The following PON3 variants were observed in gnomAD, a reference collection of about 807,000 sequenced individuals.
The protein encoded by PON3 is serum paraoxonase/lactonase 3.
PON3 carries 37 observed loss-of-function variants against 36.3 expected under a neutral mutation model. That is an observed-to-expected ratio of 1.02 (90% confidence interval 0.78 to 1.34). The LOEUF is 1.34. PON3 is among the 40% of genes most tolerant of loss of function. The probability of loss-of-function intolerance (pLI) is 0.00; values close to 1 mark genes in which losing one functional copy is unlikely to be tolerated. For missense variants in PON3, 415 were observed against 426.5 expected, an observed-to-expected ratio of 0.97 and a Z score of 0.24; for synonymous variants, 155 against 154.8, an observed-to-expected ratio of 1.00 and a Z score of -0.01.
Position 95,360,028 on chromosome 7 carries a change from T to C in PON3, c.1010A>G (p.His337Arg), listed in dbSNP as rs201243610. Reference protein sequence around the residue: ...LQGTSVASVYHGKILIGTVFH... With the variant: ...LQGTSVASVYRGKILIGTVFH... ...TACGGTGCCTATGAGAATTTTCCCA[T>C]GGTACACAGAAGCCACAGAGGTGCC... Residue 337 changes from histidine (H) to arginine (R), a missense_variant, in exon 9 of 9, where the codon CAT becomes CGT. Coordinates refer to ENST00000265627, the MANE Select transcript of PON3 (RefSeq NM_000940.3). The C allele has an allele frequency of 7.4e-6, 12 of 1,613,642 alleles. No homozygotes were observed. The Admixed American group carries it at 8.3e-5, about 11-fold the overall frequency.
At chr7:95,390,902 C>T (rs2116423619) in intron 2 of PON3, among the ~76,000 whole-genome samples, 1 of 152,262 alleles carries the variant, frequency 6.6e-6, no homozygotes, top group South Asian at 2.1e-4. Context: ...TGCATCTCAG[C>T]AACAATGGCA....
chr7:95,374,475 T>C (rs906404587), intron 3 of PON3, among the ~76,000 whole-genome samples: 1 of 152,116 alleles, frequency 6.6e-6, no homozygotes, highest in African/African-American at 2.4e-5. Context: ...CAGCTTCTTC[T>C]TTGGCCTAAA....
rs1269592215 is a variant in PON3, at chr7:95,377,870, C to A, written c.202-5532G>T. On this transcript the variant is annotated intron_variant, in intron 3 of 8. Transcript: ENST00000265627. ...CCTCTTATCCAAAGAATCACAGCTC[C>A]TTGCCAGCAAAGAAACAAAACTGGA... Among the ~76,000 whole-genome samples the A allele has an allele frequency of 3.3e-5, 5 of 152,262 alleles. No individual in the cohort carries two copies. The East Asian group carries it at 9.7e-4, about 29-fold the overall frequency.
intron 3 of PON3, among the ~76,000 whole-genome samples, chr7:95,378,384 A>C (rs1808968175): frequency 6.6e-6 from 1 of 152,196 alleles, no homozygotes; most frequent in Non-Finnish European, 1.5e-5. Context: ...CCAACATTCA[A>C]ATTCAGGAAA....
chr7:95,382,353 A>G (rs1009406801), intron 3 of PON3, among the ~76,000 whole-genome samples: 1 of 152,226 alleles, frequency 6.6e-6, no homozygotes. Context: ...AACTAAGATC[A>G]GAGCAGAACT....
intron 3 of PON3, among the ~76,000 whole-genome samples, chr7:95,380,052 C>T (rs993599303): frequency 2.9e-4 from 44 of 152,180 alleles, no homozygotes; most frequent in African/African-American, 6.5e-4. Flanking sequence ...CAGCAATATT[C>T]GCTGTTCTGC....
rs181072742 is a variant in PON3 at position 95,391,474 on chromosome 7, C to T, written c.146-1265G>A. ...CAAAAGCCTTGGATAAAAAGATGAA[C>T]GTAATACAAAAAGATCTATGAGATA... On this transcript the variant is annotated intron_variant, in intron 2 of 8. Coordinates refer to ENST00000265627, the MANE Select transcript of PON3 (RefSeq NM_000940.3). Among the ~76,000 whole-genome samples, 14 of 152,072 alleles carry T rather than the reference C, an allele frequency of 9.2e-5. No individual in the cohort carries two copies. The South Asian group carries it at 1.0e-3, about 11-fold the overall frequency.
Position 95,387,733 on chromosome 7 carries a change from T to C in PON3, c.201+2421A>G, listed in dbSNP as rs567147035. ...ATCATTGCTACCTGACTTCAAACTA[T>C]ACTACAAGGCTACAGTAACCAAAAC... On this transcript the variant is annotated intron_variant, in intron 3 of 8. Transcript: ENST00000265627. Among the ~76,000 whole-genome samples, 5 of 152,238 alleles carry C rather than the reference T, an allele frequency of 3.3e-5. No homozygotes were observed. In the East Asian group the frequency reaches 7.7e-4, roughly 23 times the overall value.
In PON3 at chr7:95,372,367, A is replaced by C. The variant is rs186190340; in HGVS notation, c.202-29T>G. 6,534 of 1,602,492 alleles carry C rather than the reference A, an allele frequency of 4.1e-3. 24 individuals carry two copies. The highest frequency in any genetic ancestry group is 4.5e-3 in the Non-Finnish European group (5,304 of 1,170,816). The stretch of plus-strand genomic sequence containing the variant: ...TTAAAAATAAAGAACAAGTGTGCAC[A>C]CATATACATATCAAAACAATATTTT... On this transcript the variant is annotated intron_variant, in intron 3 of 8. Coordinates refer to ENST00000265627, the MANE Select transcript of PON3 (RefSeq NM_000940.3).
chr7:95,373,405 C>G (rs1808850975), intron 3 of PON3, among the ~76,000 whole-genome samples: 1 of 152,090 alleles, frequency 6.6e-6, no homozygotes. Flanking sequence ...ATGCCCAATT[C>G]GTATGTCCCA....
Position 95,375,309 on chromosome 7 carries a change from T to C in PON3, c.202-2971A>G, listed in dbSNP as rs962545255. Among the ~76,000 whole-genome samples the C allele has an allele frequency of 2.7e-5, 4 of 150,544 alleles. 1 individual carries two copies. The highest frequency in any genetic ancestry group is 5.9e-5 in the Non-Finnish European group (4 of 67,746). ...ACGTATATATGTATATGTATACATA[T>C]ATATGTATGTGTGTGTATATATGTA... On this transcript the variant is annotated intron_variant, in intron 3 of 8. Coordinates refer to ENST00000265627, the MANE Select transcript of PON3 (RefSeq NM_000940.3).
At chr7:95,366,071 C>A (rs2116380525) in intron 5 of PON3, among the ~76,000 whole-genome samples, 1 of 152,148 alleles carries the variant, frequency 6.6e-6, no homozygotes, top group East Asian at 1.9e-4. Flanking sequence ...AAATTCAACC[C>A]ATAACCTTCT....
chr7:95,365,962 G>T (rs758532083), intron 5 of PON3: 18 of 149,120 alleles, frequency 1.2e-4, no homozygotes, highest in Non-Finnish European at 2.4e-4. Context: ...CATCTGCAAT[G>T]ACTCAATTTC....
intron 3 of PON3, among the ~76,000 whole-genome samples, chr7:95,386,923 C>T (rs541850400): frequency 6.6e-6 from 1 of 152,180 alleles, no homozygotes; most frequent in South Asian, 2.1e-4. Context: ...AGGCCTTCGA[C>T]AAAATTCAAC....
rs1278408112 is a variant in PON3 at position 95,360,041 on chromosome 7, C to G, written c.997G>C (p.Ala333Pro). 1 of 1,613,310 alleles carries G rather than the reference C, an allele frequency of 6.2e-7. No homozygotes were observed. Among genetic ancestry groups the G allele is most frequent in the Non-Finnish European group, 8.5e-7 (1 of 1,179,798 alleles). ...AGAATTTTCCCATGGTACACAGAAGCCACAGAGGTGCCCTGAAGCACAGAG... is the reference window on the plus strand; with the variant it reads ...AGAATTTTCCCATGGTACACAGAAGGCACAGAGGTGCCCTGAAGCACAGAG... ...NGSVLQGTSV[A>P]SVYHGKILIG... The change falls in exon 9 of 9, where the codon GCT becomes CCT. Residue 333 changes from alanine (A) to proline (P), a missense_variant. Coordinates refer to ENST00000265627, the MANE Select transcript of PON3 (RefSeq NM_000940.3).
intron 3 of PON3, among the ~76,000 whole-genome samples, chr7:95,378,702 C>T (rs1808975456): frequency 6.6e-6 from 1 of 152,160 alleles, no homozygotes; most frequent in African/African-American, 2.4e-5. Context: ...ACAACAAATG[C>T]TGAGAGATTC....
chr7:95,390,264 G>A (rs556534409), intron 2 of PON3, 55 bp from the exon 3 acceptor site: 19 of 1,319,916 alleles, frequency 1.4e-5, no homozygotes, highest in Non-Finnish European at 1.6e-5. Context: ...TAAAAAATAC[G>A]TCTCACAGTC....
chr7:95,396,288 G>A lies in PON3; in HGVS notation c.63C>T (p.Phe21=), dbSNP rs13226149. ...GVGLSLVGEM[F]LAFRERVNAS... is the part of the protein sequence containing the mutation. Reference sequence around the variant, plus strand: ...AAGATGCCACTCACCTAAACGCCAGGAACATCTCCCCGACTAAGGACAGGC... The same window carrying A: ...AAGATGCCACTCACCTAAACGCCAGAAACATCTCCCCGACTAAGGACAGGC... Residue 21 remains phenylalanine, a synonymous_variant, in exon 1 of 9, where the codon TTC becomes TTT. Transcript: ENST00000265627. The A allele has an allele frequency of 0.28, 449,732 of 1,613,292 alleles. 65,269 individuals are homozygous for A. Among genetic ancestry groups the A allele is most frequent in the South Asian group, 0.39 (35,321 of 91,044 alleles).
At chr7:95,384,710 G>A (rs562751017) in intron 3 of PON3, among the ~76,000 whole-genome samples, 10 of 152,312 alleles carry the variant, frequency 6.6e-5, no homozygotes, top group South Asian at 4.1e-4. Flanking sequence ...CAGGGCTAGA[G>A]AGGATATGGA....
Sources: gnomAD v4.1 joint callset for allele counts (sites outside exome capture counted in the v4.1 genomes callset) on GRCh38, gnomAD v4.1.1 for gene constraint, MANE v1.5 for transcripts, NCBI Gene and HGNC (gene_info 2026-07-23, HGNC 2026-07-21) for gene names.